Variants in TFCP2L1 observed in about 807,000 individuals in gnomAD.
TFCP2L1 encodes the protein transcription factor CP2-like protein 1.
TFCP2L1 carries 12 observed loss-of-function variants against 72.2 expected under a neutral mutation model. The observed-to-expected ratio is 0.17, with a 90% CI of 0.11 to 0.27. TFCP2L1 has a LOEUF of 0.27. Among genes scored for constraint, TFCP2L1 ranks in the 10% least tolerant of loss-of-function variants. TFCP2L1 has a pLI of 1.00. For synonymous variants in TFCP2L1, 260 were observed against 251.0 expected (o/e 1.04, Z -0.34); for missense variants, 488 against 624.6 (o/e 0.78, Z 2.33).
At chr2:121,284,979 C>G in intron 1 of TFCP2L1, 69 bp downstream of exon 1, 2 of 1,377,892 alleles carry the variant, frequency 1.5e-6, no homozygotes, top group Non-Finnish European at 1.9e-6. Context: ...CTCTCCGCCC[C>G]TGGACGTCCA....
intron 6 of TFCP2L1, among the ~76,000 whole-genome samples, chr2:121,242,678 A>G (rs961549387): frequency 1.3e-5 from 2 of 152,190 alleles, no homozygotes; most frequent in Non-Finnish European, 2.9e-5. Flanking sequence ...TCTGCTGCTC[A>G]AGGGGAAAAG....
intron 2 of TFCP2L1, among the ~76,000 whole-genome samples, chr2:121,265,084 T>C (rs1310201984): frequency 1.3e-5 from 2 of 152,294 alleles, no homozygotes; most frequent in South Asian, 4.1e-4. Context: ...CAAATGTCCA[T>C]CAACTTTTAA....
intron 2 of TFCP2L1, among the ~76,000 whole-genome samples, chr2:121,258,495 C>T (rs1180669594): frequency 6.6e-6 from 1 of 152,206 alleles, no homozygotes; most frequent in African/African-American, 2.4e-5. Context: ...GGAAGAGGCG[C>T]ACAGCTTCAC....
chr2:121,234,818 C>G (rs1213416755), intron 11 of TFCP2L1, among the ~76,000 whole-genome samples: 1 of 152,240 alleles, frequency 6.6e-6, no homozygotes, highest in Admixed American at 6.5e-5. Context: ...TCTGGAGTCT[C>G]CCCTGAAACT....
At chr2:121,250,346 TTATA>T (rs71829928) in intron 2 of TFCP2L1, among the ~76,000 whole-genome samples, 3 of 142,020 alleles carry the variant, frequency 2.1e-5, no homozygotes, top group Non-Finnish European at 1.5e-5. Context: ...CAGAAGACTG[TTATA>T]TATATATATA....
intron 2 of TFCP2L1, among the ~76,000 whole-genome samples, chr2:121,250,720 C>T (rs923017737): frequency 6.6e-6 from 1 of 151,018 alleles, no homozygotes; most frequent in Non-Finnish European, 1.5e-5. Flanking sequence ...GATTCTCCTG[C>T]CTCAGCCTCC....
chr2:121,279,364 T>C lies in TFCP2L1; in HGVS notation c.214+1756A>G, dbSNP rs113289729. 8.8e-3 allele frequency among the ~76,000 whole-genome samples: 1,336 copies of C among 152,286 alleles called. 15 individuals carry two copies. The highest frequency in any genetic ancestry group is 0.031 in the African/African-American group (1,273 of 41,552). On this transcript the variant is annotated intron_variant, in intron 2 of 14. Coordinates refer to ENST00000263707, the MANE Select transcript of TFCP2L1 (RefSeq NM_014553.3). Reference sequence around the variant, plus strand: ...CCACACAGCGGCACAGATGCACACTTGGCCACATCACCCACCAACCATGGC... The same window carrying C: ...CCACACAGCGGCACAGATGCACACTCGGCCACATCACCCACCAACCATGGC...
chr2:121,244,301 G>A (rs1050167981), intron 6 of TFCP2L1, among the ~76,000 whole-genome samples: 1 of 152,230 alleles, frequency 6.6e-6, no homozygotes, highest in African/African-American at 2.4e-5. Context: ...CAGTCCCAGG[G>A]AGCGGCTCCA....
intron 13 of TFCP2L1, among the ~76,000 whole-genome samples, chr2:121,227,965 G>A (rs996204057): frequency 3.9e-5 from 6 of 152,200 alleles, no homozygotes; most frequent in Non-Finnish European, 8.8e-5. Flanking sequence ...TTGGGCATGC[G>A]AAGCCCTACG....
rs145431008 is a variant in TFCP2L1 at position 121,263,013 on chromosome 2, G to A, written c.215-13366C>T. Among the ~76,000 whole-genome samples, 296 of 152,210 alleles carry A rather than the reference G, an allele frequency of 1.9e-3. 1 individual carries two copies. The highest frequency in any genetic ancestry group is 6.9e-3 in the African/African-American group (287 of 41,518). ...TGCAATGGCACAATCTCAGCTCACC[G>A]CAACCCCCATCTCCGGGGTTCAAGC... On this transcript the variant is annotated intron_variant, in intron 2 of 14. Transcript: ENST00000263707.
rs1320235897 is a variant in TFCP2L1 at position 121,223,348 on chromosome 2, C to G, written c.*993G>C. The G allele has an allele frequency of 6.6e-6, 1 of 152,144 alleles. No homozygotes were observed. The highest frequency in any genetic ancestry group is 1.5e-5 in the Non-Finnish European group (1 of 68,016). 9.4% of individuals were successfully genotyped at this position (152,144 alleles called of 1,614,324 possible). ...AGGCAAAATATCCTAAACATAGCCT[C>G]TACAAACAAAGATAAACATGTAAGT... On this transcript the variant is annotated 3_prime_UTR_variant, in exon 15 of 15. Coordinates refer to ENST00000263707, the MANE Select transcript of TFCP2L1 (RefSeq NM_014553.3).
intron 2 of TFCP2L1, among the ~76,000 whole-genome samples, chr2:121,251,723 A>G (rs763365084): frequency 4.6e-5 from 7 of 152,246 alleles, no homozygotes; most frequent in Non-Finnish European, 8.8e-5. Flanking sequence ...TGCCTATGTT[A>G]CTTAGCTAGA....
In TFCP2L1 at chr2:121,218,188, T is replaced by C. The variant is rs992224655; in HGVS notation, c.*6153A>G. On this transcript the variant is annotated 3_prime_UTR_variant, in exon 15 of 15. Coordinates refer to ENST00000263707, the MANE Select transcript of TFCP2L1 (RefSeq NM_014553.3). ...CCAAGAGGCAAAATCAATATTATGTTGGCGTAAGAGCAAACAAATTTCCAC... is the reference window on the plus strand; with the variant it reads ...CCAAGAGGCAAAATCAATATTATGTCGGCGTAAGAGCAAACAAATTTCCAC... 2 of 152,198 alleles carry C rather than the reference T, an allele frequency of 1.3e-5. No individual in the cohort carries two copies. The highest frequency in any genetic ancestry group is 1.9e-4 in the East Asian group (1 of 5,200). The allele number at this position is 152,198 out of a possible 1,614,324, so 9.4% of individuals were successfully genotyped here.
intron 2 of TFCP2L1, among the ~76,000 whole-genome samples, chr2:121,259,691 G>A (rs1353518900): frequency 6.6e-6 from 1 of 152,182 alleles, no homozygotes; most frequent in Non-Finnish European, 1.5e-5. Context: ...GAAAAAGCAA[G>A]TTGCTGAGTA....
Position 121,275,398 on chromosome 2 carries a change from CAAAA to C in TFCP2L1, c.214+5718_214+5721del, listed in dbSNP as rs575514638. On this transcript the variant is annotated intron_variant, in intron 2 of 14. Coordinates refer to ENST00000263707, the MANE Select transcript of TFCP2L1 (RefSeq NM_014553.3). ...TGGGCGACAGCACGAGACTCCATCT[CAAAA>C]AAAAAAAAAAAAAGAAATAACATGT... is the stretch of plus-strand genomic sequence containing the variant. Among the ~76,000 whole-genome samples, 6 of 65,738 alleles carry C rather than the reference CAAAA, an allele frequency of 9.1e-5. 1 individual carries two copies. Among genetic ancestry groups the C allele is most frequent in the Non-Finnish European group, 1.0e-4 (4 of 38,712 alleles). The allele number at this position is 65,738 out of a possible 152,430, so 43.1% of individuals were successfully genotyped here. A position where few individuals can be genotyped will look rare whatever the true frequency, so the allele number is the denominator to read the frequency against.
intron 4 of TFCP2L1, 29 bp from the exon 5 acceptor site, chr2:121,248,299 T>C: frequency 6.4e-7 from 1 of 1,561,420 alleles, no homozygotes; most frequent in Non-Finnish European, 8.8e-7. Flanking sequence ...ATACAGAAAG[T>C]GCAATTGTCA....
intron 2 of TFCP2L1, among the ~76,000 whole-genome samples, chr2:121,272,163 C>T (rs769981310): frequency 6.6e-6 from 1 of 152,208 alleles, no homozygotes; most frequent in Non-Finnish European, 1.5e-5. Context: ...CAATCACTCT[C>T]CTGGCTTTCA....
At chr2:121,232,111 T>A (rs553086344) in intron 12 of TFCP2L1, 143 bp from the exon 13 acceptor site, 2 of 75,440 alleles carry the variant, frequency 2.7e-5, no homozygotes, top group East Asian at 2.2e-4. Context: ...CCACTCTTTT[T>A]GTTTTGTTTT....
intron 5 of TFCP2L1, 111 bp from the exon 6 acceptor site, chr2:121,247,081 G>GC: frequency 7.5e-7 from 1 of 1,333,156 alleles, no homozygotes; most frequent in Non-Finnish European, 1.0e-6. Flanking sequence ...GTCAGTGCAG[G>GC]CCTGCCTCGA....
Sources: gnomAD v4.1 joint callset for allele counts (sites outside exome capture counted in the v4.1 genomes callset) on GRCh38, gnomAD v4.1.1 for gene constraint, MANE v1.5 for transcripts, NCBI Gene and HGNC (gene_info 2026-07-23, HGNC 2026-07-21) for gene names.